The following DNAJB6 variants were observed in gnomAD, a reference collection of about 807,000 sequenced individuals.
DNAJB6 encodes dnaJ homolog subfamily B member 6.
In DNAJB6, 16 loss-of-function variants were observed where a neutral mutation model predicts 42.7. The observed-to-expected ratio is 0.37, with a 90% confidence interval of 0.25 to 0.57. DNAJB6 has a LOEUF of 0.57. Ranked by LOEUF, DNAJB6 falls within the 20% of genes least tolerant of loss-of-function variation. The pLI is 0.74. For missense variants in DNAJB6, 347 were observed against 416.8 expected (o/e 0.83, Z 1.46); for synonymous variants, 170 against 163.5 (o/e 1.04, Z -0.30).
chr7:157,396,462 C>G (rs1387140830), intron 8 of DNAJB6, among the ~76,000 whole-genome samples: 1 of 152,120 alleles, frequency 6.6e-6, no homozygotes, highest in Non-Finnish European at 1.5e-5. Context: ...AAGACTTTTC[C>G]TTTCTCTGCC....
At chr7:157,406,440 GT>G (rs1425972564) in intron 8 of DNAJB6, among the ~76,000 whole-genome samples, 5 of 152,238 alleles carry the variant, frequency 3.3e-5, no homozygotes, top group Non-Finnish European at 7.3e-5. Flanking sequence ...GGCCAGAAGG[GT>G]TTTTCTAGAG....
At chr7:157,350,457 A>G (rs1466788851) in intron 1 of DNAJB6, among the ~76,000 whole-genome samples, 1 of 152,170 alleles carries the variant, frequency 6.6e-6, no homozygotes, top group African/African-American at 2.4e-5. Flanking sequence ...TCCCCAGCAT[A>G]AGGAAGAATT....
chr7:157,354,865 G>A (rs759500372), intron 1 of DNAJB6, among the ~76,000 whole-genome samples: 11 of 152,178 alleles, frequency 7.2e-5, no homozygotes, highest in Non-Finnish European at 1.5e-4. Context: ...GCACCTCGGA[G>A]CTCAAGGTAG....
intron 1 of DNAJB6, among the ~76,000 whole-genome samples, chr7:157,357,717 C>G (rs923645127): frequency 6.6e-6 from 1 of 152,136 alleles, no homozygotes; most frequent in African/African-American, 2.4e-5. Flanking sequence ...TGCGTAGTTC[C>G]TCCTTGTGGG....
intron 1 of DNAJB6, among the ~76,000 whole-genome samples, chr7:157,348,376 G>A (rs972244282): frequency 1.3e-5 from 2 of 152,210 alleles, no homozygotes; most frequent in African/African-American, 4.8e-5. Flanking sequence ...TTACAGGCAT[G>A]AGCCACTGCG....
At chr7:157,353,515 A>C (rs1415215443) in intron 1 of DNAJB6, among the ~76,000 whole-genome samples, 4 of 151,448 alleles carry the variant, frequency 2.6e-5, no homozygotes, top group Non-Finnish European at 5.9e-5. Flanking sequence ...CCATCCGAGG[A>C]ACCCAGATTG....
intron 1 of DNAJB6, among the ~76,000 whole-genome samples, chr7:157,346,243 A>G (rs1490843410): frequency 3.4e-5 from 5 of 146,184 alleles, no homozygotes; most frequent in South Asian, 4.3e-4. Context: ...GAATCCATGT[A>G]TTTTACACTT....
At chr7:157,410,365 G>T (rs893207585) in intron 9 of DNAJB6, 12 of 414,696 alleles carry the variant, frequency 2.9e-5, no homozygotes, top group Non-Finnish European at 4.6e-5. Flanking sequence ...GGGTGGTCTC[G>T]TGCTGGTGGG....
rs1428555991 is a variant in DNAJB6 at position 157,346,863 on chromosome 7, C to CTT, written c.-27+9720_-27+9721dup. On this transcript the variant is annotated intron_variant, in intron 1 of 9. Transcript: ENST00000262177. ...GACCTTCAGCTATTTTCTTTTTTTT[C>CTT]TTGTTTTCTTGAGATGGAGTCTTGC... is the stretch of plus-strand genomic sequence containing the variant. 4.2e-3 allele frequency among the ~76,000 whole-genome samples: 635 copies of CTT among 152,060 alleles called. 5 individuals are homozygous for CTT. The highest frequency in any genetic ancestry group is 0.015 in the African/African-American group (605 of 41,488).
At chr7:157,409,462 C>A (rs776460346) in intron 8 of DNAJB6, among the ~76,000 whole-genome samples, 2 of 152,242 alleles carry the variant, frequency 1.3e-5, no homozygotes, top group Non-Finnish European at 2.9e-5. Flanking sequence ...GTTTTGACAG[C>A]GAACTTGTCA....
At chr7:157,345,865 A>G (rs1380089572) in intron 1 of DNAJB6, among the ~76,000 whole-genome samples, 1 of 152,072 alleles carries the variant, frequency 6.6e-6, no homozygotes, top group African/African-American at 2.4e-5. Context: ...TGCTGTAGAA[A>G]TTACTTCTTT....
chr7:157,395,263 TA>T (rs1801530249), intron 8 of DNAJB6, among the ~76,000 whole-genome samples: 1 of 152,216 alleles, frequency 6.6e-6, no homozygotes, highest in African/African-American at 2.4e-5. Flanking sequence ...TCTGGCCACT[TA>T]ATGTAGTTAA....
intron 1 of DNAJB6, among the ~76,000 whole-genome samples, chr7:157,353,333 A>G (rs991002100): frequency 2.6e-5 from 4 of 152,186 alleles, no homozygotes; most frequent in Admixed American, 1.3e-4. Flanking sequence ...AAGATAGTAC[A>G]GGGATTTTCC....
Position 157,385,526 on chromosome 7 carries a change from A to AT in DNAJB6, c.621-8dup, listed in dbSNP as rs756925521. 8.7e-6 allele frequency: 14 copies of AT among 1,609,218 alleles called. No homozygotes were observed. The East Asian group carries it at 2.5e-4, about 28-fold the overall frequency. On this transcript the variant is annotated splice_polypyrimidine_tract_variant and intron_variant, in intron 7 of 9. Coordinates refer to ENST00000262177, the MANE Select transcript of DNAJB6 (RefSeq NM_058246.4). ...CTTTACCAGAAAGGTTTTTAAATGA[A>AT]TTTTTTTCCTACAGAATTGTCGAGA...
At chr7:157,380,996 T>G (rs945799763) in intron 5 of DNAJB6, 3 of 106,182 alleles carry the variant, frequency 2.8e-5, no homozygotes, top group African/African-American at 9.3e-5. Context: ...CTCTAGTCAC[T>G]GCATTTTTTT....
chr7:157,383,611 T>TTGTGTGTGTGTG (rs57002445), intron 6 of DNAJB6, among the ~76,000 whole-genome samples: 68 of 149,678 alleles, frequency 4.5e-4, no homozygotes, highest in African/African-American at 1.2e-3. Flanking sequence ...GTATGTGTGT[T>TTGTGTGTGTGTG]TGTGTGTGTG....
intron 8 of DNAJB6, among the ~76,000 whole-genome samples, chr7:157,408,370 G>A (rs571591639): frequency 6.6e-6 from 1 of 152,318 alleles, no homozygotes; most frequent in Admixed American, 6.5e-5. Flanking sequence ...GCCTCCTCTT[G>A]GGTTTGCTGA....
In DNAJB6 at chr7:157,417,110, A is replaced by T. The variant is rs939032251; in HGVS notation, c.*1012A>T. The T allele has an allele frequency of 3.7e-4, 57 of 152,172 alleles. 2 individuals are homozygous for T. Among genetic ancestry groups the T allele is most frequent in the African/African-American group, 1.4e-3 (56 of 41,440 alleles). The allele number at this position is 152,172 out of a possible 1,614,324, so 9.4% of individuals were successfully genotyped here. ...CCTTTCACATGAGGATCTGCCGTTCATGTTGCTTTCTCCTTTGTCCTCTTG... is the reference window on the plus strand; with the variant it reads ...CCTTTCACATGAGGATCTGCCGTTCTTGTTGCTTTCTCCTTTGTCCTCTTG... On this transcript the variant is annotated 3_prime_UTR_variant, in exon 10 of 10. Transcript: ENST00000262177.
intron 1 of DNAJB6, among the ~76,000 whole-genome samples, chr7:157,342,278 C>T (rs1798434414): frequency 1.3e-5 from 2 of 151,780 alleles, no homozygotes; most frequent in African/African-American, 4.8e-5. Flanking sequence ...AGTGATTCTC[C>T]TACCTCAGGC....
Sources: allele counts gnomAD v4.1 joint callset (sites outside exome capture counted in the v4.1 genomes callset), GRCh38; gene constraint gnomAD v4.1.1; transcripts MANE v1.5; gene names NCBI Gene and HGNC (gene_info 2026-07-23, HGNC 2026-07-21).